Variants in TARBP1 observed in about 807,000 individuals in gnomAD.
TARBP1 encodes tRNA guanosine 2 -O-methyltransferase TARBP1, also known as tRNA (guanosine(18)-2'-O)-methyltransferase TARBP1.
In TARBP1, 144 loss-of-function variants were observed where a neutral mutation model predicts 178.6. The ratio of observed to expected loss-of-function variants is 0.81; its 90% confidence interval spans 0.70 to 0.93. The LOEUF (loss-of-function observed/expected upper bound fraction) is 0.93. Ranked by LOEUF, TARBP1 falls within the 40% of genes least tolerant of loss-of-function variation. The pLI is 0.00. For synonymous variants in TARBP1, 787 were observed against 781.0 expected, an observed-to-expected ratio of 1.01 and a Z score of -0.13; for missense variants, 2,067 against 2,011.7, an observed-to-expected ratio of 1.03 and a Z score of -0.53.
chr1:234,472,314 G>C (rs1669135582), intron 2 of TARBP1, among the ~76,000 whole-genome samples: 1 of 111,298 alleles, frequency 9.0e-6, no homozygotes, highest in African/African-American at 3.6e-5. Context: ...GGGCGAGAGA[G>C]CAAGACTCTG....
At chr1:234,430,821 G>A (rs1664360040) in intron 14 of TARBP1, among the ~76,000 whole-genome samples, 1 of 152,192 alleles carries the variant, frequency 6.6e-6, no homozygotes. Flanking sequence ...CTGGACTCAG[G>A]AACCACAAAG....
chr1:234,478,709 C>T lies in TARBP1; in HGVS notation c.395G>A (p.Trp132Ter), dbSNP rs936898996. Residue 132 changes from tryptophan to a stop codon, truncating the protein, a stop_gained, in exon 1 of 30, where the codon TGG (tryptophan) becomes TAG (stop). Transcript: ENST00000040877. LOFTEE classifies it high-confidence loss of function. ...GGCAGCCTCGGCGCCAGGCGCGCGC[C>T]ACCCGGCGAGCAGATCGCGCAGCGC... ...EEALRDLLAG[W>*]RAPGAEAAVE... 8.3e-7 allele frequency: 1 copy of T among 1,209,752 alleles called. No homozygotes were observed. The highest frequency in any genetic ancestry group is 1.0e-6 in the Non-Finnish European group (1 of 974,178). The allele number at this position is 1,209,752 out of a possible 1,614,324, so 74.9% of individuals were successfully genotyped here. A position where few individuals can be genotyped will look rare whatever the true frequency, so the allele number is the denominator to read the frequency against.
chr1:234,428,090 C>T (rs1303901975), intron 17 of TARBP1, among the ~76,000 whole-genome samples: 1 of 152,208 alleles, frequency 6.6e-6, no homozygotes, highest in African/African-American at 2.4e-5. Context: ...TTGCCAGTGG[C>T]CTTCCTTTGG....
Position 234,478,280 on chromosome 1 carries a change from T to G in TARBP1, c.824A>C (p.Gln275Pro). The change falls in exon 1 of 30, where the codon CAG becomes CCG. Residue 275 changes from glutamine to proline, a missense_variant. Coordinates refer to ENST00000040877, the MANE Select transcript of TARBP1 (RefSeq NM_005646.4). The part of the protein sequence containing the change: ...FWRTVQAGLG[Q>P]ADALTRKRAR... ...TCGCTTGCGCGTCAGGGCGTCCGCCTGGCCCAGCCCCGCCTGCACCGTCCT... is the reference window on the plus strand; with the variant it reads ...TCGCTTGCGCGTCAGGGCGTCCGCCGGGCCCAGCCCCGCCTGCACCGTCCT... The G allele has an allele frequency of 1.3e-6, 2 of 1,582,192 alleles. No homozygotes were observed. The highest frequency in any genetic ancestry group is 4.6e-5 in the East Asian group (2 of 43,218).
intron 6 of TARBP1, among the ~76,000 whole-genome samples, chr1:234,461,404 T>C (rs1454769692): frequency 6.6e-6 from 1 of 152,076 alleles, no homozygotes; most frequent in East Asian, 1.9e-4. Context: ...ACCTCCTGGG[T>C]TCAAGTGATT....
Position 234,392,228 on chromosome 1 carries a change from T to C in TARBP1, c.4697+188A>G, listed in dbSNP as rs529856749. On this transcript the variant is annotated intron_variant, in intron 29 of 29. Coordinates refer to ENST00000040877, the MANE Select transcript of TARBP1 (RefSeq NM_005646.4). ...GAGCATGCCTGTAATCCCAGCTACT[T>C]GGGAAGCTGATGCCTGAAAATTGCT... is the stretch of plus-strand genomic sequence containing the variant. Among the ~76,000 whole-genome samples, 3 of 152,124 alleles carry C rather than the reference T, an allele frequency of 2.0e-5. No individual in the cohort carries two copies. The East Asian group carries it at 5.8e-4, about 29-fold the overall frequency.
At chr1:234,455,454 GAATACTATGCAAGCTTTACTTTACAA>G (rs1248831673) in intron 9 of TARBP1, among the ~76,000 whole-genome samples, 14 of 152,144 alleles carry the variant, frequency 9.2e-5, no homozygotes, top group Non-Finnish European at 1.3e-4. Context: ...CCACCAGATG[GAATACTATGCAAGCTTTACTTTACAA>G]AATACTATGC....
At chr1:234,461,240 G>A (rs958854456) in intron 6 of TARBP1, among the ~76,000 whole-genome samples, 2 of 152,202 alleles carry the variant, frequency 1.3e-5, no homozygotes, top group African/African-American at 2.4e-5. Flanking sequence ...AGTAAGATAA[G>A]TATTCTACTG....
At chr1:234,403,668 C>A (rs114330280) in intron 24 of TARBP1, among the ~76,000 whole-genome samples, 1 of 152,184 alleles carries the variant, frequency 6.6e-6, no homozygotes, top group South Asian at 2.1e-4. Flanking sequence ...GGCTTAATGC[C>A]CAGGGTGCCT....
At chr1:234,439,016 T>C (rs1251175078) in intron 12 of TARBP1, among the ~76,000 whole-genome samples, 2 of 152,158 alleles carry the variant, frequency 1.3e-5, no homozygotes, top group African/African-American at 2.4e-5. Context: ...GGATTTTATA[T>C]CCAGAAAAAA....
intron 8 of TARBP1, among the ~76,000 whole-genome samples, chr1:234,458,358 G>A (rs1667504615): frequency 6.6e-6 from 1 of 151,910 alleles, no homozygotes; most frequent in African/African-American, 2.4e-5. Context: ...AAAAAAAAGT[G>A]ATTATTTTCA....
intron 6 of TARBP1, among the ~76,000 whole-genome samples, chr1:234,463,510 A>G (rs1668118209): frequency 6.6e-6 from 1 of 152,140 alleles, no homozygotes; most frequent in African/African-American, 2.4e-5. Flanking sequence ...TTTTTCCTAA[A>G]ACCAAGTTCC....
rs757819394 is a variant in TARBP1, at chr1:234,393,680, C to T, written c.4401G>A (p.Val1467=). 1.2e-6 allele frequency: 2 copies of T among 1,613,476 alleles called. No homozygotes were observed. Among genetic ancestry groups the T allele is most frequent in the African/African-American group, 2.7e-5 (2 of 74,888 alleles). Residue 1467 remains valine (V), a synonymous_variant, in exon 27 of 30, where the codon GTG becomes GTA. Transcript: ENST00000040877. The part of the protein sequence containing the change: ...LGKSISRLIV[V]ASLIDKPTNL... ...TGGTCGGTTTGTCGATGAGCGAGGC[C>T]ACAACGATGAGTCTACTAATTGACT...
chr1:234,427,226 T>C (rs1480101103), intron 19 of TARBP1, 91 bp downstream of exon 19: 3 of 869,402 alleles, frequency 3.5e-6, no homozygotes, highest in African/African-American at 3.4e-5. Flanking sequence ...ATGTCACTTA[T>C]TAAATTTAGC....
intron 24 of TARBP1, 120 bp downstream of exon 24, chr1:234,405,783 G>A: frequency 1.1e-6 from 1 of 939,210 alleles, no homozygotes; most frequent in Non-Finnish European, 1.6e-6. Context: ...AGCCCTCGAT[G>A]CTCCAGGACG....
At chr1:234,452,320 AC>A (rs1326777394) in intron 9 of TARBP1, among the ~76,000 whole-genome samples, 1 of 152,208 alleles carries the variant, frequency 6.6e-6, no homozygotes, top group East Asian at 1.9e-4. Context: ...TTTGCAAAAC[AC>A]ATATCTGATA....
At chr1:234,419,941 A>G (rs969590348) in intron 21 of TARBP1, among the ~76,000 whole-genome samples, 1 of 152,216 alleles carries the variant, frequency 6.6e-6, no homozygotes, top group Admixed American at 6.5e-5. Flanking sequence ...AGAGGCTAGT[A>G]TATATATTTG....
Position 234,478,937 on chromosome 1 carries a change from G to C in TARBP1, c.167C>G (p.Ala56Gly), listed in dbSNP as rs1669863518. 1 of 1,441,378 alleles carries C rather than the reference G, an allele frequency of 6.9e-7. No individual in the cohort carries two copies. The highest frequency in any genetic ancestry group is 9.0e-7 in the Non-Finnish European group (1 of 1,106,202). The allele number at this position is 1,441,378 out of a possible 1,614,324, so 89.3% of individuals were successfully genotyped here. Residue 56 changes from alanine to glycine, a missense_variant, in exon 1 of 30, where the codon GCG becomes GGG. Coordinates refer to ENST00000040877, the MANE Select transcript of TARBP1 (RefSeq NM_005646.4). ...EEARGSGGAG[A>G]LPEAAREVAA... ...CACCTCGCGCGCCGCCTCCGGGAGCGCGCCTGCGCCCCCGCTGCCGCGCGC... is the reference window on the plus strand; with the variant it reads ...CACCTCGCGCGCCGCCTCCGGGAGCCCGCCTGCGCCCCCGCTGCCGCGCGC...
chr1:234,437,168 A>G, intron 13 of TARBP1, 107 bp downstream of exon 13: 2 of 580,950 alleles, frequency 3.4e-6, no homozygotes, highest in Non-Finnish European at 5.6e-6. Flanking sequence ...CCGCTTCTTG[A>G]GAAAATTAAT....
Sources: allele counts gnomAD v4.1 joint callset (sites outside exome capture counted in the v4.1 genomes callset), GRCh38; gene constraint gnomAD v4.1.1; transcripts MANE v1.5; gene names NCBI Gene and HGNC (gene_info 2026-07-23, HGNC 2026-07-21).